ASCC1: variants seen among roughly 807,000 people sequenced by gnomAD.
ASCC1 encodes ASC-1 complex subunit P50.
In ASCC1, 35 loss-of-function variants were observed where a neutral mutation model predicts 46.6. The observed-to-expected ratio is 0.75, with a 90% CI of 0.57 to 0.99. The LOEUF (loss-of-function observed/expected upper bound fraction) is 0.99, where lower values mean the gene tolerates loss of function less well. Among genes scored for constraint, ASCC1 ranks in the 50% least tolerant of loss-of-function variants. ASCC1 has a pLI of 0.00. For synonymous variants in ASCC1, 143 were observed against 146.6 expected, an observed-to-expected ratio of 0.98 and a Z score of 0.18; for missense variants, 376 against 428.7, an observed-to-expected ratio of 0.88 and a Z score of 1.09.
chr10:72,156,442 A>G (rs1010536284), intron 6 of ASCC1, among the ~76,000 whole-genome samples: 9 of 152,218 alleles, frequency 5.9e-5, no homozygotes, highest in African/African-American at 2.2e-4. Flanking sequence ...TATTGTCATT[A>G]AGTAAAAATG....
chr10:72,151,542 T>G (rs1487380870), intron 7 of ASCC1, among the ~76,000 whole-genome samples: 1 of 152,084 alleles, frequency 6.6e-6, no homozygotes, highest in Non-Finnish European at 1.5e-5. Flanking sequence ...CATGTATACA[T>G]ATGTAACAAA....
intron 4 of ASCC1, among the ~76,000 whole-genome samples, chr10:72,199,809 G>A (rs1300061200): frequency 3.3e-5 from 5 of 152,058 alleles, no homozygotes; most frequent in Non-Finnish European, 5.9e-5. Context: ...TTGGCTCACT[G>A]TAGCCTCGAC....
chr10:72,151,326 G>A (rs1365957211), intron 7 of ASCC1, among the ~76,000 whole-genome samples: 1 of 152,030 alleles, frequency 6.6e-6, no homozygotes, highest in African/African-American at 2.4e-5. Flanking sequence ...CCATCATTCT[G>A]AGCAAACTAT....
intron 5 of ASCC1, among the ~76,000 whole-genome samples, chr10:72,191,793 C>G (rs1053487802): frequency 6.6e-6 from 1 of 151,796 alleles, no homozygotes; most frequent in Non-Finnish European, 1.5e-5. Context: ...ATTACAGGTG[C>G]CCGCCACCAT....
At chr10:72,145,342 T>C (rs1051277839) in intron 7 of ASCC1, among the ~76,000 whole-genome samples, 24 of 152,258 alleles carry the variant, frequency 1.6e-4, no homozygotes, top group African/African-American at 5.5e-4. Flanking sequence ...CAGGTCTCCA[T>C]CTGTATCACT....
At chr10:72,162,063 T>C (rs1016219605) in intron 5 of ASCC1, among the ~76,000 whole-genome samples, 5 of 152,116 alleles carry the variant, frequency 3.3e-5, no homozygotes, top group Admixed American at 1.3e-4. Flanking sequence ...GCCTACAGAA[T>C]GGCAGAAATA....
chr10:72,141,957 T>C (rs1350513751), intron 7 of ASCC1, among the ~76,000 whole-genome samples: 4 of 152,194 alleles, frequency 2.6e-5, no homozygotes, highest in East Asian at 1.9e-4. Flanking sequence ...ACAACACCTA[T>C]GTACTTTTTA....
intron 8 of ASCC1, among the ~76,000 whole-genome samples, chr10:72,131,526 A>G (rs1300598633): frequency 6.6e-6 from 1 of 152,004 alleles, no homozygotes; most frequent in Non-Finnish European, 1.5e-5. Context: ...TACCCAAACA[A>G]GAGTATATAG....
chr10:72,171,531 A>G (rs944121556), intron 5 of ASCC1, among the ~76,000 whole-genome samples: 2 of 152,000 alleles, frequency 1.3e-5, no homozygotes, highest in Non-Finnish European at 2.9e-5. Context: ...GCTTCAAGCA[A>G]TTCTCCTACC....
In ASCC1 at chr10:72,097,271, G is replaced by A. The variant is rs761229071; in HGVS notation, c.*63C>T. The A allele has an allele frequency of 1.8e-5, 21 of 1,169,048 alleles. No homozygotes were observed. Among genetic ancestry groups the A allele is most frequent in the South Asian group, 1.1e-4 (9 of 81,724 alleles). 72.4% of individuals were successfully genotyped at this position (1,169,048 alleles called of 1,614,324 possible). A position where few individuals can be genotyped will look rare whatever the true frequency, so the allele number is the denominator to read the frequency against. The stretch of plus-strand genomic sequence containing the variant: ...CACATCCCTGCTTGGCAATTAAAAC[G>A]AAGACACTTTTCTTCAGCACCTGGT... On this transcript the variant is annotated 3_prime_UTR_variant, in exon 10 of 10. Coordinates refer to ENST00000672957, the MANE Select transcript of ASCC1 (RefSeq NM_001198800.3).
intron 1 of ASCC1, among the ~76,000 whole-genome samples, chr10:72,215,225 C>G (rs1317926141): frequency 1.3e-5 from 2 of 152,064 alleles, no homozygotes; most frequent in South Asian, 2.1e-4. Context: ...ATGATGAAAC[C>G]CCGTCTCTAC....
intron 5 of ASCC1, among the ~76,000 whole-genome samples, chr10:72,186,847 T>C (rs897386153): frequency 1.3e-5 from 2 of 149,340 alleles, no homozygotes; most frequent in Non-Finnish European, 1.5e-5. Flanking sequence ...AAGCTCATTC[T>C]GGCGAAATCA....
intron 5 of ASCC1, among the ~76,000 whole-genome samples, chr10:72,194,930 CG>C (rs1373438353): frequency 4.0e-5 from 6 of 151,630 alleles, no homozygotes; most frequent in African/African-American, 9.7e-5. Flanking sequence ...TTAGTAGAGA[CG>C]GGGTTTCTCC....
intron 6 of ASCC1, among the ~76,000 whole-genome samples, chr10:72,160,781 TAAAAAAA>T (rs568875489): frequency 1.5e-5 from 2 of 132,276 alleles, no homozygotes; most frequent in African/African-American, 5.4e-5. Flanking sequence ...TTATTTGTAT[TAAAAAAA>T]AAAAAAAAAA....
chr10:72,161,976 A>AC (rs1849750101), intron 5 of ASCC1, among the ~76,000 whole-genome samples: 2 of 152,194 alleles, frequency 1.3e-5, no homozygotes, highest in East Asian at 3.8e-4. Flanking sequence ...GGACGACAAA[A>AC]GAAAAAAATA....
chr10:72,204,366 T>C lies in ASCC1; in HGVS notation c.213-842A>G, dbSNP rs1010870085. The C allele has an allele frequency of 8.9e-5, 138 of 1,548,818 alleles. No homozygotes were observed. The Middle Eastern group carries it at 3.8e-3, about 43-fold the overall frequency. Reference sequence around the variant, plus strand: ...TACCCCATGAAGACGGGACATGAGCTCACAATCCCCATCACTCCCACTTAA... The same window carrying C: ...TACCCCATGAAGACGGGACATGAGCCCACAATCCCCATCACTCCCACTTAA... On this transcript the variant is annotated intron_variant, in intron 3 of 9. Transcript: ENST00000672957.
intron 9 of ASCC1, among the ~76,000 whole-genome samples, chr10:72,118,644 T>C (rs1843790293): frequency 6.6e-6 from 1 of 151,736 alleles, no homozygotes; most frequent in Non-Finnish European, 1.5e-5. Flanking sequence ...CCGGTCATGG[T>C]GGTGCACGCC....
chr10:72,133,166 A>G lies in ASCC1; in HGVS notation c.762T>C (p.Val254=), dbSNP rs1455150720. The G allele has an allele frequency of 6.2e-7, 1 of 1,614,156 alleles. No homozygotes were observed. Among genetic ancestry groups the G allele is most frequent in the Non-Finnish European group, 8.5e-7 (1 of 1,179,988 alleles). ...KDGSNRLQEL[V]DRVLERFQAS... Reference sequence around the variant, plus strand: ...CCTGAAAACGTTCCAGCACTCGATCAACTAATTCTTGTAGCCTGGAGAAAT... The same window carrying G: ...CCTGAAAACGTTCCAGCACTCGATCGACTAATTCTTGTAGCCTGGAGAAAT... The change falls in exon 8 of 10, where the codon GTT becomes GTC. Residue 254 remains valine, a synonymous_variant. Coordinates refer to ENST00000672957, the MANE Select transcript of ASCC1 (RefSeq NM_001198800.3).
At chr10:72,128,312 T>C in intron 8 of ASCC1, 145 bp from the exon 9 acceptor site, 2 of 708,586 alleles carry the variant, frequency 2.8e-6, no homozygotes, top group Non-Finnish European at 5.1e-6. Flanking sequence ...TGTCAGGCTA[T>C]GAATCAAGAG....
Sources: gnomAD v4.1 joint callset for allele counts (sites outside exome capture counted in the v4.1 genomes callset) on GRCh38, gnomAD v4.1.1 for gene constraint, MANE v1.5 for transcripts, NCBI Gene and HGNC (gene_info 2026-07-23, HGNC 2026-07-21) for gene names.